HIRA: variants seen among roughly 807,000 people sequenced by gnomAD.
HIRA encodes protein HIRA.
In HIRA, 13 loss-of-function variants were observed where a neutral mutation model predicts 126.6. The ratio of observed to expected loss-of-function variants is 0.10; its 90% confidence interval spans 0.07 to 0.16. The LOEUF (loss-of-function observed/expected upper bound fraction) is 0.16, where lower values mean the gene tolerates loss of function less well. Ranked by LOEUF, HIRA falls within the 10% of genes least tolerant of loss-of-function variation. The pLI is 1.00. For missense variants in HIRA, 834 were observed against 1,314.4 expected, an observed-to-expected ratio of 0.63 and a Z score of 5.65; for synonymous variants, 511 against 520.0, an observed-to-expected ratio of 0.98 and a Z score of 0.24.
chr22:19,425,383 C>G (rs2089480905), intron 1 of HIRA, among the ~76,000 whole-genome samples: 1 of 152,158 alleles, frequency 6.6e-6, no homozygotes, highest in Non-Finnish European at 1.5e-5. Context: ...AGTCCATAGG[C>G]AAACACCCCG....
intron 5 of HIRA, chr22:19,399,030 T>C (rs1341455805): frequency 1.5e-6 from 1 of 672,756 alleles, no homozygotes; most frequent in Admixed American, 6.3e-5. Context: ...ATAGGGTCAC[T>C]GTAAGGATTA....
At chr22:19,359,573 C>G in intron 17 of HIRA, 89 bp from the exon 18 acceptor site, 1 of 1,355,950 alleles carries the variant, frequency 7.4e-7, no homozygotes, top group Non-Finnish European at 9.6e-7. Context: ...GGCCCCAAGG[C>G]AGCAGCAGGA....
chr22:19,417,380 T>C (rs952627514), intron 1 of HIRA, among the ~76,000 whole-genome samples: 1 of 151,804 alleles, frequency 6.6e-6, no homozygotes, highest in African/African-American at 2.4e-5. Context: ...TCCCAGCACT[T>C]TGAGAGGCTA....
chr22:19,369,109 C>A (rs552176689), intron 15 of HIRA, among the ~76,000 whole-genome samples: 3 of 152,108 alleles, frequency 2.0e-5, no homozygotes, highest in Admixed American at 2.0e-4. Context: ...GGCTGCCCCC[C>A]TTACAAATGG....
intron 9 of HIRA, among the ~76,000 whole-genome samples, chr22:19,388,802 C>T (rs1177038144): frequency 6.6e-6 from 1 of 152,178 alleles, no homozygotes; most frequent in Non-Finnish European, 1.5e-5. Flanking sequence ...GGGGAAATAG[C>T]TTTATACACA....
At chr22:19,342,314 T>C (rs2088638929) in intron 24 of HIRA, among the ~76,000 whole-genome samples, 1 of 152,096 alleles carries the variant, frequency 6.6e-6, no homozygotes, top group African/African-American at 2.4e-5. Context: ...GATATTAGCA[T>C]GGAGGTGGTG....
At chr22:19,379,643 A>AG (rs1425616339) in intron 13 of HIRA, among the ~76,000 whole-genome samples, 1 of 150,242 alleles carries the variant, frequency 6.7e-6, no homozygotes. Context: ...AAAAAAAAAA[A>AG]GAAATACTTG....
intron 1 of HIRA, among the ~76,000 whole-genome samples, chr22:19,424,111 A>G (rs1341787537): frequency 1.3e-5 from 2 of 152,226 alleles, no homozygotes; most frequent in Non-Finnish European, 2.9e-5. Context: ...AGTGACTACT[A>G]TGGTGTGTAC....
chr22:19,416,000 GC>G (rs1413228116), intron 1 of HIRA, among the ~76,000 whole-genome samples: 1 of 152,148 alleles, frequency 6.6e-6, no homozygotes, highest in Non-Finnish European at 1.5e-5. Context: ...TTACTACAAA[GC>G]TACAGTAATC....
intron 19 of HIRA, 103 bp from the exon 20 acceptor site, chr22:19,356,391 C>A: frequency 1.0e-6 from 1 of 953,788 alleles, no homozygotes; most frequent in Admixed American, 1.8e-5. Context: ...GCGACCCTAA[C>A]CCTGGCCTCT....
At chr22:19,334,631 A>T (rs2088542541) in intron 24 of HIRA, among the ~76,000 whole-genome samples, 1 of 151,584 alleles carries the variant, frequency 6.6e-6, no homozygotes, top group Non-Finnish European at 1.5e-5. Context: ...CACTAAAAAT[A>T]CTAAAATTAG....
chr22:19,376,272 C>G (rs1033081573), intron 14 of HIRA, among the ~76,000 whole-genome samples: 3 of 152,220 alleles, frequency 2.0e-5, no homozygotes, highest in Admixed American at 6.5e-5. Context: ...CCCATATCTC[C>G]CTGTGACAGT....
chr22:19,379,440 C>T (rs1336457176), intron 13 of HIRA, among the ~76,000 whole-genome samples: 2 of 150,886 alleles, frequency 1.3e-5, no homozygotes, highest in African/African-American at 4.9e-5. Flanking sequence ...GCCTGGCCAA[C>T]ATGGTGAAAC....
chr22:19,356,958 C>T lies in HIRA; in HGVS notation c.2328G>A (p.Pro776=), dbSNP rs782390683. 1.4e-5 allele frequency: 23 copies of T among 1,614,002 alleles called. No individual in the cohort carries two copies. Among genetic ancestry groups the T allele is most frequent in the South Asian group, 3.3e-5 (3 of 91,086 alleles). The change falls in exon 19 of 25, where the codon CCG becomes CCA. Residue 776 remains proline, a synonymous_variant. Transcript: ENST00000263208. ...RLLSPILLPS[P]ISTLHCTGSY... is the part of the protein sequence containing the mutation. Reference sequence around the variant, plus strand: ...AGCCTGTGCAATGCAAAGTAGAGATCGGGGATGGCAGGAGGATGGGAGAGA... The same window carrying T: ...AGCCTGTGCAATGCAAAGTAGAGATTGGGGATGGCAGGAGGATGGGAGAGA...
chr22:19,414,387 A>G (rs1323390640), intron 1 of HIRA, among the ~76,000 whole-genome samples: 1 of 152,242 alleles, frequency 6.6e-6, no homozygotes, highest in Admixed American at 6.5e-5. Context: ...AACTCTGAGC[A>G]CAGAGAGGTG....
Position 19,351,267 on chromosome 22 carries a change from A to G in HIRA, c.2937+91T>C, listed in dbSNP as rs987997705. On this transcript the variant is annotated intron_variant, in intron 24 of 24. Coordinates refer to ENST00000263208, the MANE Select transcript of HIRA (RefSeq NM_003325.4). This position sits in a 1 kb window ranked among gnomAD's most constrained non-coding sequence, Gnocchi z 4.8. ...GGGTGCTGGAGAAGTCTAACGGGACACAATTTCAAAGCACTTTGGCTTATT... is the reference window on the plus strand; with the variant it reads ...GGGTGCTGGAGAAGTCTAACGGGACGCAATTTCAAAGCACTTTGGCTTATT... 5 of 1,520,380 alleles carry G rather than the reference A, an allele frequency of 3.3e-6. No homozygotes were observed. Among genetic ancestry groups the G allele is most frequent in the Non-Finnish European group, 4.4e-6 (5 of 1,136,818 alleles). The allele number at this position is 1,520,380 out of a possible 1,614,324, so 94.2% of individuals were successfully genotyped here. A position where few individuals can be genotyped will look rare whatever the true frequency, so the allele number is the denominator to read the frequency against.
At chr22:19,429,240 C>A (rs1221375129) in intron 1 of HIRA, among the ~76,000 whole-genome samples, 2 of 145,384 alleles carry the variant, frequency 1.4e-5, no homozygotes, top group Non-Finnish European at 3.0e-5. Flanking sequence ...CGGGCTCAAG[C>A]GATTCTCCTG....
chr22:19,358,125 G>A (rs892275483), intron 18 of HIRA, among the ~76,000 whole-genome samples: 6 of 152,180 alleles, frequency 3.9e-5, no homozygotes, highest in Admixed American at 2.6e-4. Flanking sequence ...TTAGCCTCCC[G>A]AGTAGCTGGG....
At chr22:19,352,319 C>T (rs1252508979) in intron 23 of HIRA, among the ~76,000 whole-genome samples, 1 of 151,968 alleles carries the variant, frequency 6.6e-6, no homozygotes, top group Non-Finnish European at 1.5e-5. Flanking sequence ...CAGGATGAAG[C>T]AAACCAGAGT....
Sources: gnomAD v4.1 joint callset for allele counts (sites outside exome capture counted in the v4.1 genomes callset) on GRCh38, gnomAD v4.1.1 for gene constraint, Gnocchi (gnomAD v3.1) non-coding constraint, MANE v1.5 for transcripts, NCBI Gene and HGNC (gene_info 2026-07-23, HGNC 2026-07-21) for gene names.